Variants in AKAP19 observed in about 807,000 individuals in gnomAD.
AKAP19 encodes the protein A-kinase anchoring protein 19.
the AKAP19 span, among the ~76,000 whole-genome samples, chr2:189,931,461 A>C: frequency 6.6e-6 from 1 of 152,144 alleles, no homozygotes; most frequent in African/African-American, 2.4e-5. Flanking sequence ...TCCCAGGCTC[A>C]AACAGTCCTC....
At chr2:190,006,588 G>A in the AKAP19 span, among the ~76,000 whole-genome samples, 2 of 148,224 alleles carry the variant, frequency 1.3e-5, no homozygotes, top group Non-Finnish European at 3.0e-5. Flanking sequence ...GCAGTGAGCC[G>A]AGATCATGCC....
chr2:189,927,514 A>G, the AKAP19 span, among the ~76,000 whole-genome samples: 1 of 152,210 alleles, frequency 6.6e-6, no homozygotes, highest in Admixed American at 6.5e-5. Flanking sequence ...GTAGACTTAC[A>G]AAAATAGTAT....
chr2:190,157,232 CT>C, the AKAP19 span, among the ~76,000 whole-genome samples: 1 of 152,158 alleles, frequency 6.6e-6, no homozygotes, highest in Admixed American at 6.6e-5. Flanking sequence ...TTCAAAATCT[CT>C]CTATTTTCTC....
the AKAP19 span, among the ~76,000 whole-genome samples, chr2:190,009,208 T>C: frequency 6.6e-6 from 1 of 152,136 alleles, no homozygotes; most frequent in African/African-American, 2.4e-5. Context: ...CTTTGTCTTT[T>C]ATTATGACTA....
the AKAP19 span, among the ~76,000 whole-genome samples, chr2:189,981,688 T>C: frequency 3.3e-5 from 5 of 152,332 alleles, 1 homozygote; most frequent in Admixed American, 3.3e-4. Context: ...TTCTTGTAGT[T>C]TCAGCCTGAT....
At chr2:190,193,940 C>T in the AKAP19 span, among the ~76,000 whole-genome samples, 5 of 152,112 alleles carry the variant, frequency 3.3e-5, no homozygotes, top group African/African-American at 1.2e-4. Flanking sequence ...AAATTTCCTT[C>T]TAAGCTCTAA....
chr2:190,003,805 T>C, the AKAP19 span, among the ~76,000 whole-genome samples: 1 of 152,020 alleles, frequency 6.6e-6, no homozygotes, highest in Non-Finnish European at 1.5e-5. Context: ...AGGCAGAGGT[T>C]GCAGTGAGCC....
chr2:189,947,197 G>A, the AKAP19 span, among the ~76,000 whole-genome samples: 2 of 152,118 alleles, frequency 1.3e-5, no homozygotes, highest in Admixed American at 6.5e-5. Context: ...TTGGGTTTTC[G>A]TTTTAGCCCA....
the AKAP19 span, among the ~76,000 whole-genome samples, chr2:189,993,033 G>A: frequency 6.6e-6 from 1 of 152,154 alleles, no homozygotes; most frequent in Non-Finnish European, 1.5e-5. Flanking sequence ...GATTGCTCTG[G>A]CTAGGACTTC....
chr2:190,119,895 G>T, the AKAP19 span, among the ~76,000 whole-genome samples: 1 of 152,200 alleles, frequency 6.6e-6, no homozygotes, highest in Non-Finnish European at 1.5e-5. Flanking sequence ...AGTTATAGGA[G>T]AAATAGTAGA....
chr2:190,123,027 G>T, the AKAP19 span, among the ~76,000 whole-genome samples: 3 of 151,910 alleles, frequency 2.0e-5, no homozygotes, highest in Admixed American at 6.6e-5. Flanking sequence ...GCCCAAGCTG[G>T]TCTTAAACTC....
chr2:190,056,305 T>C, the AKAP19 span: 3 of 152,554 alleles, frequency 2.0e-5, no homozygotes, highest in South Asian at 6.2e-4. Flanking sequence ...GTATACATAT[T>C]ATATAAATGC....
chr2:189,955,589 A>T, the AKAP19 span, among the ~76,000 whole-genome samples: 1 of 152,190 alleles, frequency 6.6e-6, no homozygotes, highest in Non-Finnish European at 1.5e-5. Flanking sequence ...CCAGCAGTAT[A>T]TAAGTGTTTC....
At chr2:190,038,998 C>CTCTTCT in the AKAP19 span, among the ~76,000 whole-genome samples, 8 of 110,718 alleles carry the variant, frequency 7.2e-5, no homozygotes, top group South Asian at 2.7e-4. Context: ...TTTCTTTCTT[C>CTCTTCT]TCTTCTTCTT....
At chr2:190,130,212 C>T in the AKAP19 span, among the ~76,000 whole-genome samples, 1 of 152,174 alleles carries the variant, frequency 6.6e-6, no homozygotes, top group African/African-American at 2.4e-5. Context: ...GAAATTCCTT[C>T]TCAGTTTCTC....
the AKAP19 span, chr2:190,060,215 T>C: frequency 1.2e-6 from 2 of 1,613,110 alleles, no homozygotes; most frequent in Middle Eastern, 1.7e-4. Flanking sequence ...TACCAGTGCC[T>C]GGGTTCATGT....
chr2:190,063,778 G>C, the AKAP19 span, among the ~76,000 whole-genome samples: 1 of 152,120 alleles, frequency 6.6e-6, no homozygotes, highest in Non-Finnish European at 1.5e-5. Context: ...TTGGGGTAAA[G>C]TCTGGGAGCA....
the AKAP19 span, among the ~76,000 whole-genome samples, chr2:189,993,986 T>A: frequency 1.3e-5 from 2 of 152,076 alleles, no homozygotes; most frequent in Admixed American, 6.6e-5. Flanking sequence ...TGTATTTTTT[T>A]AATACAATTT....
chr2:189,955,645 A>C, the AKAP19 span, among the ~76,000 whole-genome samples: 2 of 152,236 alleles, frequency 1.3e-5, no homozygotes, highest in Non-Finnish European at 2.9e-5. Context: ...TGACTTTTTA[A>C]TAACCGCCAT....
Sources: gnomAD v4.1 joint callset for allele counts (sites outside exome capture counted in the v4.1 genomes callset) on GRCh38, gnomAD v4.1.1 for gene constraint, MANE v1.5 for transcripts, NCBI Gene and HGNC (gene_info 2026-07-23, HGNC 2026-07-21) for gene names.